The following B4GALNT2 variants were observed in gnomAD, a reference collection of about 807,000 sequenced individuals.
B4GALNT2 encodes beta-1,4-N-acetyl-galactosaminyltransferase 2 (SID blood group).
A neutral mutation model predicts 51.1 loss-of-function variants in B4GALNT2; 42 were observed. That is an observed-to-expected ratio of 0.82 (90% CI 0.64 to 1.06). The LOEUF is 1.06. Among genes scored for constraint, B4GALNT2 ranks in the 50% least tolerant of loss-of-function variants. B4GALNT2 has a pLI of 0.00. For synonymous variants in B4GALNT2, 253 were observed against 251.7 expected (o/e 1.01, Z -0.05); for missense variants, 602 against 633.6 (o/e 0.95, Z 0.54).
chr17:49,161,544 A>G (rs1448254508), intron 7 of B4GALNT2, among the ~76,000 whole-genome samples: 2 of 152,196 alleles, frequency 1.3e-5, no homozygotes, highest in Non-Finnish European at 2.9e-5. Context: ...CCTGTGCAAC[A>G]GAGCAAGACC....
At chr17:49,161,479 G>A (rs941862029) in intron 7 of B4GALNT2, among the ~76,000 whole-genome samples, 5 of 151,878 alleles carry the variant, frequency 3.3e-5, no homozygotes, top group Admixed American at 1.3e-4. Flanking sequence ...TGGGAGGATC[G>A]CTTGAGCCTG....
At chr17:49,132,468 G>A (rs2042547737), upstream of B4GALNT2, 4 of 326,838 alleles carry the variant, frequency 1.2e-5, no homozygotes, top group Non-Finnish European at 2.2e-5. Flanking sequence ...TCAAGGCCGC[G>A]AGGTTGGAGG....
chr17:49,132,766 G>T (rs961380880), upstream of B4GALNT2: 19 of 1,387,078 alleles, frequency 1.4e-5, no homozygotes, highest in Non-Finnish European at 1.8e-5. Context: ...CGTGACATCC[G>T]GCAGTCTGAG....
At chr17:49,133,040 C>A in intron 1 of B4GALNT2, 1 of 1,496,064 alleles carries the variant, frequency 6.7e-7, no homozygotes. Context: ...GGAGCGCTGG[C>A]TTTTCCGTGG....
chr17:49,164,075 GT>G lies in B4GALNT2; in HGVS notation c.767-9del, dbSNP rs1262478442. 4 of 1,612,494 alleles carry G rather than the reference GT, an allele frequency of 2.5e-6. No individual in the cohort carries two copies. The highest frequency in any genetic ancestry group is 3.4e-6 in the Non-Finnish European group (4 of 1,178,858). On this transcript the variant is annotated splice_polypyrimidine_tract_variant and intron_variant, in intron 7 of 10. Coordinates refer to ENST00000393354, the MANE Select transcript of B4GALNT2 (RefSeq NM_001159387.2). ...ACAGGACAGAGCTCTGACACCCACT[GT>G]TTTCTGCCCAGAGAGGAAGCTCAGA...
chr17:49,145,614 A>G (rs781755292), intron 3 of B4GALNT2, among the ~76,000 whole-genome samples: 10 of 152,014 alleles, frequency 6.6e-5, no homozygotes, highest in Non-Finnish European at 7.4e-5. Flanking sequence ...TTCCTGGTGG[A>G]GTGACCCAAA....
At chr17:49,123,690 ATACCAT>A in the B4GALNT2 span, among the ~76,000 whole-genome samples, 1 of 152,360 alleles carries the variant, frequency 6.6e-6, no homozygotes, top group East Asian at 1.9e-4. Context: ...CCATGGAATT[ATACCAT>A]TAAATACCTA....
intron 6 of B4GALNT2, 58 bp downstream of exon 6, chr17:49,159,275 C>T: frequency 1.3e-6 from 2 of 1,525,950 alleles, no homozygotes; most frequent in Non-Finnish European, 1.8e-6. Context: ...ACCTCTGGGC[C>T]CTTTCAAAGT....
intron 4 of B4GALNT2, among the ~76,000 whole-genome samples, 182 bp from the exon 5 acceptor site, chr17:49,156,384 C>T (rs2042810432): frequency 6.6e-6 from 1 of 152,140 alleles, no homozygotes; most frequent in Admixed American, 6.5e-5. Context: ...TGAGAAAGAC[C>T]ACGAAACACC....
At position 49,175,225 on chromosome 17, in the gene B4GALNT2, C is replaced by T. The variant is rs1048877414; in HGVS notation, c.*5497C>T. 1.3e-5 allele frequency: 2 copies of T among 152,146 alleles called. No individual in the cohort carries two copies. The allele number at this position is 152,146 out of a possible 1,614,324, so 9.4% of individuals were successfully genotyped here. On this transcript the variant is annotated 3_prime_UTR_variant, in exon 11 of 11. Transcript: ENST00000393354. ...AATTTCTTTCCCTGAATAGTTATTT[C>T]ACAGGTAGGATGTTTATCAGTAATT...
intron 6 of B4GALNT2, 151 bp from the exon 7 acceptor site, chr17:49,160,404 T>C (rs1259163116): frequency 1.3e-6 from 1 of 740,812 alleles, no homozygotes; most frequent in Non-Finnish European, 2.4e-6. Context: ...GAAGCCTGAA[T>C]GCCAGAGACT....
At chr17:49,164,297 T>G in intron 8 of B4GALNT2, 22 bp downstream of exon 8, 1 of 1,594,604 alleles carries the variant, frequency 6.3e-7, no homozygotes, top group South Asian at 1.1e-5. Flanking sequence ...TCAGATTGGG[T>G]GGCACCTGCA....
chr17:49,168,594 C>T (rs891986357), intron 9 of B4GALNT2, 87 bp from the exon 10 acceptor site: 6 of 1,226,464 alleles, frequency 4.9e-6, no homozygotes, highest in Non-Finnish European at 5.8e-6. Flanking sequence ...TTGTTATAAC[C>T]GAGGTGCAGT....
At chr17:49,132,721 A>G, upstream of B4GALNT2, 1 of 1,367,664 alleles carries the variant, frequency 7.3e-7, no homozygotes, top group Non-Finnish European at 9.4e-7. Flanking sequence ...GGTCGGTGCC[A>G]GGGCGGGGCA....
intron 3 of B4GALNT2, among the ~76,000 whole-genome samples, chr17:49,144,199 C>G (rs73336378): frequency 0.017 from 2,628 of 152,196 alleles, 81 homozygotes; most frequent in African/African-American, 0.06. Context: ...ATCATGGGGT[C>G]CCTACCTGAT....
intron 1 of B4GALNT2, among the ~76,000 whole-genome samples, chr17:49,135,221 A>G (rs1026267214): frequency 5.3e-5 from 8 of 152,258 alleles, no homozygotes; most frequent in Non-Finnish European, 8.8e-5. Context: ...ACATACACAC[A>G]CAGAGTATTT....
intron 6 of B4GALNT2, among the ~76,000 whole-genome samples, chr17:49,159,426 C>T (rs2042842131): frequency 6.6e-6 from 1 of 152,198 alleles, no homozygotes; most frequent in Admixed American, 6.5e-5. Flanking sequence ...ACTGCAACCT[C>T]CGCCTCCCAG....
intron 7 of B4GALNT2, among the ~76,000 whole-genome samples, chr17:49,160,890 G>A (rs1237319084): frequency 1.3e-5 from 2 of 152,136 alleles, no homozygotes; most frequent in African/African-American, 4.8e-5. Flanking sequence ...TAACATTTTA[G>A]TAAGTAATAA....
At chr17:49,127,931 A>G (rs1401793815), upstream of B4GALNT2, among the ~76,000 whole-genome samples, 1 of 152,194 alleles carries the variant, frequency 6.6e-6, no homozygotes, top group Non-Finnish European at 1.5e-5. Context: ...GAGAAAAGTA[A>G]TTCAGTTGAT....
Sources: gnomAD v4.1 joint callset for allele counts (sites outside exome capture counted in the v4.1 genomes callset) on GRCh38, gnomAD v4.1.1 for gene constraint, MANE v1.5 for transcripts, NCBI Gene and HGNC (gene_info 2026-07-23, HGNC 2026-07-21) for gene names.